ZDHHC11B: variants seen among roughly 807,000 people sequenced by gnomAD.
ZDHHC11B encodes the protein zDHHC palmitoyltransferase 11B (putative).
ZDHHC11B carries 17 observed loss-of-function variants against 42.3 expected under a neutral mutation model. That is an observed-to-expected ratio of 0.40 (90% CI 0.27 to 0.60). The LOEUF is 0.60. ZDHHC11B is among the 20% of genes least tolerant of loss of function. The pLI, the probability that ZDHHC11B is intolerant of heterozygous loss-of-function variation, is 0.41. For synonymous variants in ZDHHC11B, 123 were observed against 193.5 expected (o/e 0.64, Z 3.02); for missense variants, 262 against 463.2 (o/e 0.57, Z 3.99).
intron 8 of ZDHHC11B, among the ~76,000 whole-genome samples, chr5:746,765 C>G (rs368454546): frequency 6.7e-6 from 1 of 149,700 alleles, no homozygotes. Flanking sequence ...CCCCCACGTG[C>G]TCAGCACACA....
intron 4 of ZDHHC11B, among the ~76,000 whole-genome samples, chr5:761,894 C>CCCAGATGGCCACCCCT (rs1561179824): frequency 3.3e-4 from 3 of 9,212 alleles, no homozygotes; most frequent in Non-Finnish European, 5.5e-4. Context: ...CAGCCACTCA[C>CCCAGATGGCCACCCCT]AGCCCTGGAC....
rs1179522385 is a variant in ZDHHC11B at position 731,258 on chromosome 5, T to A, written c.1024-790A>T. On this transcript the variant is annotated intron_variant, in intron 11 of 13. Coordinates refer to ENST00000508859, the MANE Select transcript of ZDHHC11B (RefSeq NM_001351303.2). Reference sequence around the variant, plus strand: ...ATTGATCACCTTTTTTTATTTATATTTTTTAGAGGCAGGGTCTTGCTATGT... The same window carrying A: ...ATTGATCACCTTTTTTTATTTATATATTTTAGAGGCAGGGTCTTGCTATGT... Among the ~76,000 whole-genome samples, 30 of 150,010 alleles carry A rather than the reference T, an allele frequency of 2.0e-4. 1 individual carries two copies. Among genetic ancestry groups the A allele is most frequent in the African/African-American group, 7.2e-4 (29 of 40,344 alleles).
At position 753,286 on chromosome 5, in the gene ZDHHC11B, C is replaced by T. The variant is rs1359799246; in HGVS notation, c.503+1712G>A. On this transcript the variant is annotated intron_variant, in intron 6 of 13. Coordinates refer to ENST00000508859, the MANE Select transcript of ZDHHC11B (RefSeq NM_001351303.2). ...AACTTTCCTCATCTTGCTCTCAATG[C>T]CGTTGCTCTCTCCGCCTCTGGCGGA... is the stretch of plus-strand genomic sequence containing the variant. Among the ~76,000 whole-genome samples the T allele has an allele frequency of 2.4e-4, 31 of 129,170 alleles. No homozygotes were observed. In the East Asian group the frequency reaches 6.7e-3, roughly 28 times the overall value. 84.7% of individuals were successfully genotyped at this position (129,170 alleles called of 152,430 possible).
chr5:724,408 C>T (rs1742414649), intron 12 of ZDHHC11B, among the ~76,000 whole-genome samples: 1 of 111,678 alleles, frequency 9.0e-6, no homozygotes, highest in East Asian at 3.0e-4. Flanking sequence ...GACAGTCTTG[C>T]TCTGTCGCCC....
intron 7 of ZDHHC11B, among the ~76,000 whole-genome samples, chr5:750,380 C>G (rs1187161377): frequency 2.8e-5 from 4 of 141,234 alleles, no homozygotes; most frequent in African/African-American, 1.0e-4. Context: ...CCGGGCGACC[C>G]CGGGCTGTGG....
chr5:758,884 T>G (rs1169987630), intron 4 of ZDHHC11B, among the ~76,000 whole-genome samples: 1 of 151,910 alleles, frequency 6.6e-6, no homozygotes, highest in East Asian at 1.9e-4. Flanking sequence ...ATAGGAACGA[T>G]GCTGGTGACC....
intron 12 of ZDHHC11B, among the ~76,000 whole-genome samples, chr5:720,191 T>C (rs543595906): frequency 1.7e-4 from 26 of 151,912 alleles, no homozygotes; most frequent in Admixed American, 9.8e-4. Context: ...CCAAGCAGGC[T>C]ATATGCCAAA....
At chr5:714,722 C>G (rs1293226757) in intron 13 of ZDHHC11B, among the ~76,000 whole-genome samples, 2 of 132,470 alleles carry the variant, frequency 1.5e-5, no homozygotes, top group African/African-American at 5.3e-5. Context: ...TAATCAAGCT[C>G]TGCCCTGGGA....
intron 10 of ZDHHC11B, among the ~76,000 whole-genome samples, chr5:739,759 C>A (rs1193009345): frequency 0.018 from 2,554 of 140,202 alleles, 1 homozygote; most frequent in Non-Finnish European, 0.027. Flanking sequence ...AGCAATCCCA[C>A]TACTGGCTAT....
At chr5:746,815 C>T (rs1461432886) in intron 8 of ZDHHC11B, among the ~76,000 whole-genome samples, 1 of 147,378 alleles carries the variant, frequency 6.8e-6, no homozygotes, top group Non-Finnish European at 1.5e-5. Flanking sequence ...ACATTTTGTA[C>T]ACAAAGTTGG....
At chr5:736,667 C>T (rs1265700593) in intron 10 of ZDHHC11B, among the ~76,000 whole-genome samples, 1 of 136,858 alleles carries the variant, frequency 7.3e-6, no homozygotes, top group Non-Finnish European at 1.6e-5. Flanking sequence ...CCAAAAGGAA[C>T]CCATGAAATT....
At chr5:776,901 C>T (rs1326342357) in intron 1 of ZDHHC11B, among the ~76,000 whole-genome samples, 2 of 151,886 alleles carry the variant, frequency 1.3e-5, no homozygotes, top group Admixed American at 6.6e-5. Flanking sequence ...TCCTGCTCCG[C>T]GGGACTCTCC....
At chr5:777,155 G>GAC (rs1736575607) in intron 1 of ZDHHC11B, among the ~76,000 whole-genome samples, 1 of 151,730 alleles carries the variant, frequency 6.6e-6, no homozygotes, top group Non-Finnish European at 1.5e-5. Flanking sequence ...GTTCAGATGC[G>GAC]TCTGGAGTTT....
chr5:783,319 C>T (rs1736993824), intron 1 of ZDHHC11B, among the ~76,000 whole-genome samples: 2 of 152,288 alleles, frequency 1.3e-5, no homozygotes, highest in East Asian at 1.9e-4. Context: ...TTCAAGGCGC[C>T]GGCATCAGGC....
At chr5:773,547 CCCA>C (rs1243320838) in intron 1 of ZDHHC11B, among the ~76,000 whole-genome samples, 13 of 151,924 alleles carry the variant, frequency 8.6e-5, no homozygotes, top group African/African-American at 1.9e-4. Flanking sequence ...CAGGCCTGTG[CCCA>C]CCATCTCAGC....
chr5:729,811 A>G (rs539969526), intron 12 of ZDHHC11B, among the ~76,000 whole-genome samples: 1 of 152,054 alleles, frequency 6.6e-6, no homozygotes, highest in South Asian at 2.1e-4. Flanking sequence ...CTTACTCAGC[A>G]TCATGTGTGA....
At chr5:775,821 G>T (rs1465978894) in intron 1 of ZDHHC11B, among the ~76,000 whole-genome samples, 5 of 151,554 alleles carry the variant, frequency 3.3e-5, no homozygotes, top group African/African-American at 7.3e-5. Flanking sequence ...CATCCAGGGA[G>T]CTGTGAAGGA....
intron 13 of ZDHHC11B, among the ~76,000 whole-genome samples, chr5:715,779 G>A (rs1408950817): frequency 1.3e-5 from 2 of 151,472 alleles, no homozygotes; most frequent in Non-Finnish European, 2.9e-5. Context: ...ACAGAACCAT[G>A]AGTCCTGCCC....
In ZDHHC11B at chr5:766,310, G is replaced by A. The variant is rs555275156; in HGVS notation, c.222+388C>T. ...CGGGAGCAGACCCGGGACCCCTGCC[G>A]CTGGAAGATGGGAGCAGAACCAGGT... is the stretch of plus-strand genomic sequence containing the variant. On this transcript the variant is annotated intron_variant, in intron 4 of 13. Transcript: ENST00000508859. Among the ~76,000 whole-genome samples, 1,278 of 145,826 alleles carry A rather than the reference G, an allele frequency of 8.8e-3. 41 individuals carry two copies. Among genetic ancestry groups the A allele is most frequent in the African/African-American group, 0.029 (1,157 of 39,650 alleles).
Sources: gnomAD v4.1 joint callset for allele counts (sites outside exome capture counted in the v4.1 genomes callset) on GRCh38, gnomAD v4.1.1 for gene constraint, MANE v1.5 for transcripts, NCBI Gene and HGNC (gene_info 2026-07-23, HGNC 2026-07-21) for gene names.